The following SNX5 variants were observed in gnomAD, a reference collection of about 807,000 sequenced individuals.
The protein encoded by SNX5 is sorting nexin 5.
Under a neutral mutation model 53.9 loss-of-function variants are expected in SNX5, and 31 were observed. The observed-to-expected ratio is 0.58, with a 90% CI of 0.43 to 0.78. SNX5 has a LOEUF of 0.78. Ranked by LOEUF, SNX5 falls within the 30% of genes least tolerant of loss-of-function variation. The pLI, the probability that SNX5 is intolerant of heterozygous loss-of-function variation, is 0.00. For missense variants in SNX5, 471 were observed against 478.8 expected (o/e 0.98, Z 0.15); for synonymous variants, 168 against 171.1 (o/e 0.98, Z 0.14).
In SNX5 at chr20:17,947,538, G is replaced by A; in HGVS notation, c.1026C>T (p.His342=). 6.2e-7 allele frequency: 1 copy of A among 1,613,890 alleles called. No homozygotes were observed. The highest frequency in any genetic ancestry group is 8.5e-7 in the Non-Finnish European group (1 of 1,179,816). Residue 342 remains histidine, a synonymous_variant, in exon 11 of 13, where the codon CAC becomes CAT. Coordinates refer to ENST00000377759, the MANE Select transcript of SNX5 (RefSeq NM_014426.4). ...CAAATTTCTGGCAGCACTCCTGCTG[G>A]TGTGCCTCAGCCAACTTGACGTCTT... ...KSKDVKLAEA[H]QQECCQKFEQ... is the part of the protein sequence containing the mutation.
chr20:17,942,670 T>A (rs754481630), intron 12 of SNX5: 16 of 512,458 alleles, frequency 3.1e-5, no homozygotes, highest in Non-Finnish European at 5.2e-5. Flanking sequence ...ACCTGCTTGC[T>A]CCTAAATGTG....
rs1379002157 is a variant in SNX5 at position 17,965,626 on chromosome 20, G to T, written c.51+2749C>A. On this transcript the variant is annotated intron_variant, in intron 1 of 12. Coordinates refer to ENST00000377759, the MANE Select transcript of SNX5 (RefSeq NM_014426.4). ...GTCGAGGCTGCAGTGAGTTGTGATC[G>T]TGACACTGCACTCCCGCCTGGGTGA... is the stretch of plus-strand genomic sequence containing the variant. 2.7e-5 allele frequency among the ~76,000 whole-genome samples: 4 copies of T among 146,290 alleles called. No individual in the cohort carries two copies. In the East Asian group the frequency reaches 8.3e-4, roughly 31 times the overall value.
chr20:17,968,228 G>T, intron 1 of SNX5, 147 bp downstream of exon 1: 1 of 545,154 alleles, frequency 1.8e-6, no homozygotes, highest in South Asian at 8.9e-5. Context: ...AGACCAGGGA[G>T]AGGGGCCGCC....
At chr20:17,949,188 C>A in intron 8 of SNX5, 85 bp from the exon 9 acceptor site, 1 of 1,128,500 alleles carries the variant, frequency 8.9e-7, no homozygotes, top group Non-Finnish European at 1.3e-6. Context: ...AGGAATGGGT[C>A]AACTCAGGAG....
In SNX5 at chr20:17,967,940, CAA is replaced by C. The variant is rs567695305; in HGVS notation, c.51+433_51+434del. ...TCCCAAGTTGTTTGGGCCCCCCCCC[CAA>C]AAAAGTCTTCTCAGTAAAAGGTGGG... On this transcript the variant is annotated intron_variant, in intron 1 of 12. Transcript: ENST00000377759. 5.5e-3 allele frequency: 2,165 copies of C among 394,518 alleles called. 10 individuals carry two copies. Among genetic ancestry groups the C allele is most frequent in the South Asian group, 0.014 (95 of 6,986 alleles). The allele number at this position is 394,518 out of a possible 1,614,324, so 24.4% of individuals were successfully genotyped here. A position where few individuals can be genotyped will look rare whatever the true frequency, so the allele number is the denominator to read the frequency against.
At chr20:17,946,290 C>G (rs574124024) in intron 11 of SNX5, among the ~76,000 whole-genome samples, 9 of 152,284 alleles carry the variant, frequency 5.9e-5, no homozygotes, top group African/African-American at 2.2e-4. Context: ...AGCAGAGATA[C>G]CCCGAAACGA....
chr20:17,965,626 G>C (rs1379002157), intron 1 of SNX5, among the ~76,000 whole-genome samples: 1 of 146,290 alleles, frequency 6.8e-6, no homozygotes, highest in Non-Finnish European at 1.5e-5. Flanking sequence ...AGTTGTGATC[G>C]TGACACTGCA....
At chr20:17,949,856 CA>C (rs1325779874) in intron 8 of SNX5, among the ~76,000 whole-genome samples, 1 of 152,180 alleles carries the variant, frequency 6.6e-6, no homozygotes, top group Admixed American at 6.5e-5. Context: ...TTACAAACTC[CA>C]AAACTAAAGA....
intron 1 of SNX5, among the ~76,000 whole-genome samples, chr20:17,960,276 C>T (rs1568596110): frequency 6.6e-6 from 1 of 152,298 alleles, no homozygotes; most frequent in East Asian, 1.9e-4. Flanking sequence ...GCCTGACCAA[C>T]ATGGTGAAAC....
intron 1 of SNX5, among the ~76,000 whole-genome samples, chr20:17,957,459 TA>T (rs999417272): frequency 4.0e-5 from 6 of 150,952 alleles, no homozygotes; most frequent in Admixed American, 6.6e-5. Context: ...AATTAAAAAT[TA>T]AAAAAAAGAA....
chr20:17,957,065 T>C (rs2035374447), intron 1 of SNX5, 28 bp from the exon 2 acceptor site: 1 of 1,293,442 alleles, frequency 7.7e-7, no homozygotes, highest in African/African-American at 1.5e-5. Context: ...CGTATTAGTT[T>C]CAAACTCATT....
intron 1 of SNX5, among the ~76,000 whole-genome samples, chr20:17,959,519 A>T (rs2035415633): frequency 6.6e-6 from 1 of 152,158 alleles, no homozygotes; most frequent in African/African-American, 2.4e-5. Flanking sequence ...ATTCAAGCAA[A>T]ACTCCAATCA....
chr20:17,953,904 C>CAA, intron 4 of SNX5, 92 bp downstream of exon 4: 2 of 1,146,692 alleles, frequency 1.7e-6, no homozygotes, highest in Non-Finnish European at 2.5e-6. Context: ...GCACTTAAAA[C>CAA]AAAATTAAGT....
chr20:17,961,739 A>C, intron 1 of SNX5: 1 of 985,256 alleles, frequency 1.0e-6, no homozygotes. Flanking sequence ...GCCTCTAGGG[A>C]TTTTGTTTTG....
intron 5 of SNX5, among the ~76,000 whole-genome samples, chr20:17,952,221 T>A (rs1048742238): frequency 6.6e-6 from 1 of 151,804 alleles, no homozygotes; most frequent in Admixed American, 6.6e-5. Context: ...AGATTCTGCC[T>A]CAAAAAAGAA....
At chr20:17,967,311 G>A (rs747543269) in intron 1 of SNX5, among the ~76,000 whole-genome samples, 1 of 145,742 alleles carries the variant, frequency 6.9e-6, no homozygotes, top group African/African-American at 2.6e-5. Context: ...GTGGTCTCAA[G>A]TTTCCACTTT....
intron 1 of SNX5, among the ~76,000 whole-genome samples, chr20:17,960,771 C>CAAAA (rs571474077): frequency 1.1e-5 from 1 of 92,780 alleles, no homozygotes. Context: ...AGCGAGTCTC[C>CAAAA]AAAAAAAAAA....
At chr20:17,961,601 T>G (rs1161244320) in intron 1 of SNX5, 6 of 497,454 alleles carry the variant, frequency 1.2e-5, no homozygotes, top group Non-Finnish European at 1.2e-5. Flanking sequence ...CCACATAAAT[T>G]ACTACAGATA....
chr20:17,947,320 G>T, intron 11 of SNX5, 166 bp downstream of exon 11: 1 of 661,128 alleles, frequency 1.5e-6, no homozygotes, highest in Non-Finnish European at 2.5e-6. Context: ...TTGTAAGCAC[G>T]CAAAGCCATG....
Sources: allele counts gnomAD v4.1 joint callset (sites outside exome capture counted in the v4.1 genomes callset), GRCh38; gene constraint gnomAD v4.1.1; transcripts MANE v1.5; gene names NCBI Gene and HGNC (gene_info 2026-07-23, HGNC 2026-07-21).